The following KCNIP4 variants were observed in gnomAD, a reference collection of about 807,000 sequenced individuals.
The protein encoded by KCNIP4 is potassium voltage-gated channel interacting protein 4.
KCNIP4 carries 12 observed loss-of-function variants against 34.0 expected under a neutral mutation model. The ratio of observed to expected loss-of-function variants is 0.35; its 90% confidence interval spans 0.23 to 0.57. The LOEUF (loss-of-function observed/expected upper bound fraction) is 0.57, where lower values mean the gene tolerates loss of function less well. Among genes scored for constraint, KCNIP4 ranks in the 20% least tolerant of loss-of-function variants. KCNIP4 has a pLI of 0.83. For synonymous variants in KCNIP4, 124 were observed against 102.2 expected (o/e 1.21, Z -1.29); for missense variants, 238 against 311.7 (o/e 0.76, Z 1.78).
chr4:21,186,905 G>A (rs1242677967), intron 1 of KCNIP4, among the ~76,000 whole-genome samples: 1 of 152,144 alleles, frequency 6.6e-6, no homozygotes, highest in Admixed American at 6.5e-5. Context: ...ATCCCAAAGT[G>A]CTGGGATCAC....
intron 1 of KCNIP4, among the ~76,000 whole-genome samples, chr4:21,448,204 G>A (rs879086554): frequency 6.6e-6 from 1 of 152,148 alleles, no homozygotes; most frequent in Admixed American, 6.5e-5. Context: ...AAATATAAGT[G>A]CTAAGGATTC....
chr4:21,545,027 A>T (rs1817323), intron 1 of KCNIP4, among the ~76,000 whole-genome samples: 1 of 151,852 alleles, frequency 6.6e-6, no homozygotes, highest in Non-Finnish European at 1.5e-5. Flanking sequence ...TCTAAGTCAC[A>T]GGATGAAATA....
chr4:21,477,127 G>C (rs1464764662), intron 1 of KCNIP4, among the ~76,000 whole-genome samples: 1 of 152,194 alleles, frequency 6.6e-6, no homozygotes, highest in Non-Finnish European at 1.5e-5. Context: ...TCCATGGGTT[G>C]AGTTATAATG....
At chr4:21,366,011 T>C (rs1477711727) in intron 1 of KCNIP4, among the ~76,000 whole-genome samples, 6 of 152,222 alleles carry the variant, frequency 3.9e-5, no homozygotes, top group Non-Finnish European at 8.8e-5. Flanking sequence ...GCCATGGTGA[T>C]GTTCAGAATG....
chr4:21,056,121 TAA>T (rs1421140322), intron 1 of KCNIP4, among the ~76,000 whole-genome samples: 2 of 152,102 alleles, frequency 1.3e-5, no homozygotes, highest in East Asian at 1.9e-4. Flanking sequence ...AAGTCTTTCT[TAA>T]AAAGAGTCCA....
intron 1 of KCNIP4, among the ~76,000 whole-genome samples, chr4:21,212,047 G>C (rs1336512070): frequency 6.6e-6 from 1 of 152,166 alleles, no homozygotes; most frequent in African/African-American, 2.4e-5. Context: ...GGCCCTGGCA[G>C]CATGCCTGTT....
At chr4:20,985,067 T>G (rs1577486416) in intron 1 of KCNIP4, among the ~76,000 whole-genome samples, 1 of 152,158 alleles carries the variant, frequency 6.6e-6, no homozygotes, top group Non-Finnish European at 1.5e-5. Flanking sequence ...TCCAGTCTAC[T>G]GAAGCCCAAC....
chr4:20,758,720 A>G, intron 4 of KCNIP4, 101 bp downstream of exon 4: 3 of 881,718 alleles, frequency 3.4e-6, no homozygotes, highest in Non-Finnish European at 5.5e-6. Context: ...CTTTTACATA[A>G]CGATTAAAAA....
At chr4:20,840,226 T>G (rs1719555475) in intron 3 of KCNIP4, among the ~76,000 whole-genome samples, 1 of 152,142 alleles carries the variant, frequency 6.6e-6, no homozygotes, top group Non-Finnish European at 1.5e-5. Flanking sequence ...TCAGGTTTCC[T>G]CCAAACATTA....
At chr4:21,900,733 G>A (rs1727658994) in intron 1 of KCNIP4, among the ~76,000 whole-genome samples, 1 of 152,086 alleles carries the variant, frequency 6.6e-6, no homozygotes, top group Non-Finnish European at 1.5e-5. Context: ...TGTTATGCTA[G>A]CAATAATCTA....
At chr4:20,889,647 A>T (rs1456667353) in intron 1 of KCNIP4, among the ~76,000 whole-genome samples, 1 of 152,038 alleles carries the variant, frequency 6.6e-6, no homozygotes, top group African/African-American at 2.4e-5. Context: ...TTGGCCCTAA[A>T]TGGAAGGGCT....
chr4:20,829,049 T>C (rs143640088), intron 3 of KCNIP4, among the ~76,000 whole-genome samples: 1 of 152,258 alleles, frequency 6.6e-6, no homozygotes, highest in East Asian at 1.9e-4. Flanking sequence ...AATATAAAAT[T>C]AGAGAAGATA....
At chr4:21,148,837 C>T (rs1470064397) in intron 1 of KCNIP4, among the ~76,000 whole-genome samples, 2 of 152,146 alleles carry the variant, frequency 1.3e-5, no homozygotes, top group Non-Finnish European at 2.9e-5. Flanking sequence ...TATGAATGAT[C>T]AATCTGTTTT....
intron 1 of KCNIP4, among the ~76,000 whole-genome samples, chr4:21,457,875 A>C (rs1729098456): frequency 6.6e-6 from 1 of 152,072 alleles, no homozygotes; most frequent in Non-Finnish European, 1.5e-5. Context: ...ACACACATAC[A>C]AAAATAATCT....
chr4:21,354,940 C>T (rs757066078), intron 1 of KCNIP4, among the ~76,000 whole-genome samples: 22 of 152,140 alleles, frequency 1.4e-4, no homozygotes, highest in Non-Finnish European at 2.9e-4. Flanking sequence ...GAAATCATAA[C>T]AAACTGTCTC....
At chr4:21,538,294 G>A (rs1737383693) in intron 1 of KCNIP4, among the ~76,000 whole-genome samples, 1 of 152,062 alleles carries the variant, frequency 6.6e-6, no homozygotes, top group African/African-American at 2.4e-5. Context: ...AAACCACACA[G>A]TTTGTGATAC....
At chr4:21,528,816 G>A (rs191808824) in intron 1 of KCNIP4, among the ~76,000 whole-genome samples, 8 of 79,408 alleles carry the variant, frequency 1.0e-4, no homozygotes, top group South Asian at 4.4e-4. Context: ...AGGAAGGAAG[G>A]AAGGAAGGAA....
chr4:20,894,585 A>G (rs1156381753), intron 1 of KCNIP4, among the ~76,000 whole-genome samples: 2 of 152,110 alleles, frequency 1.3e-5, no homozygotes, highest in Non-Finnish European at 2.9e-5. Context: ...CTCATAGTCT[A>G]CTCTAAGAGC....
chr4:21,538,846 T>C lies in KCNIP4; in HGVS notation c.61+409725A>G, dbSNP rs192481308. 7.3e-4 allele frequency among the ~76,000 whole-genome samples: 111 copies of C among 152,308 alleles called. 1 individual carries two copies. Among genetic ancestry groups the C allele is most frequent in the Admixed American group, 2.2e-3 (33 of 15,302 alleles). ...GTTATCACAAAACTGTTACATACAT[T>C]GTAAAACAAACAGCTCTCTGATGTG... is the stretch of plus-strand genomic sequence containing the variant. On this transcript the variant is annotated intron_variant, in intron 1 of 8. Coordinates refer to ENST00000382152, the MANE Select transcript of KCNIP4 (RefSeq NM_025221.6).
Sources: allele counts gnomAD v4.1 joint callset (sites outside exome capture counted in the v4.1 genomes callset), GRCh38; gene constraint gnomAD v4.1.1; transcripts MANE v1.5; gene names NCBI Gene and HGNC (gene_info 2026-07-23, HGNC 2026-07-21).